The following WDFY3 variants were observed in gnomAD, a reference collection of about 807,000 sequenced individuals.
The protein encoded by WDFY3 is WD repeat and FYVE domain-containing protein 3.
WDFY3 carries 66 observed loss-of-function variants against 409.6 expected under a neutral mutation model. The ratio of observed to expected loss-of-function variants is 0.16; its 90% CI spans 0.13 to 0.20. The LOEUF (loss-of-function observed/expected upper bound fraction) is 0.20, where lower values mean the gene tolerates loss of function less well. Among genes scored for constraint, WDFY3 ranks in the 10% least tolerant of loss-of-function variants. The pLI is 1.00. For synonymous variants in WDFY3, 1,521 were observed against 1,537.1 expected (o/e 0.99, Z 0.25); for missense variants, 3,031 against 4,298.1 (o/e 0.71, Z 8.24).
intron 56 of WDFY3, among the ~76,000 whole-genome samples, chr4:84,699,676 T>C: frequency 6.6e-6 from 1 of 152,172 alleles, no homozygotes; most frequent in Non-Finnish European, 1.5e-5. Context: ...CAGCAATGTA[T>C]GAGGGTTCTA....
At chr4:84,815,375 C>A (rs986283251) in intron 13 of WDFY3, among the ~76,000 whole-genome samples, 16 of 152,258 alleles carry the variant, frequency 1.1e-4, no homozygotes, top group African/African-American at 3.9e-4. Flanking sequence ...AAAAGGAATT[C>A]TCTTACTACT....
intron 1 of WDFY3, among the ~76,000 whole-genome samples, chr4:84,956,151 T>C (rs1397009399): frequency 6.6e-6 from 1 of 152,150 alleles, no homozygotes; most frequent in Non-Finnish European, 1.5e-5. Flanking sequence ...GGAAGAAACA[T>C]CATACAGGAA....
intron 45 of WDFY3, 34 bp from the exon 46 acceptor site, chr4:84,724,628 C>A: frequency 6.3e-7 from 1 of 1,599,004 alleles, no homozygotes; most frequent in South Asian, 1.1e-5. Context: ...ACTCCGATAA[C>A]TATCACCAAG....
intron 27 of WDFY3, among the ~76,000 whole-genome samples, chr4:84,777,781 C>G (rs941812043): frequency 6.6e-6 from 1 of 151,914 alleles, no homozygotes; most frequent in Admixed American, 6.6e-5. Context: ...CATGATTTCC[C>G]CAATCATAAA....
At chr4:84,774,708 AT>A (rs2149445084) in intron 29 of WDFY3, 111 bp downstream of exon 29, 1 of 1,088,978 alleles carries the variant, frequency 9.2e-7, no homozygotes, top group African/African-American at 1.6e-5. Flanking sequence ...TCGTATTAAC[AT>A]TACAGGTGTT....
intron 57 of WDFY3, 132 bp from the exon 58 acceptor site, chr4:84,696,314 T>C (rs373426159): frequency 4.4e-5 from 35 of 792,880 alleles, no homozygotes; most frequent in East Asian, 1.1e-4. Flanking sequence ...TATTCCCCTC[T>C]TATTTGTGGT....
rs1202732366 is a variant in WDFY3 at position 84,789,984 on chromosome 4, T to C, written c.3488-77A>G. ...CAAATTATTCATATCTAGATCAGCA[T>C]GTTTTGACTTTATGTTAAAACAAAA... On this transcript the variant is annotated intron_variant, in intron 21 of 67. Coordinates refer to ENST00000295888, the MANE Select transcript of WDFY3 (RefSeq NM_014991.6). The C allele has an allele frequency of 3.5e-6, 5 of 1,443,624 alleles. No homozygotes were observed. In the African/African-American group the frequency reaches 5.7e-5, roughly 16 times the overall value. 89.4% of individuals were successfully genotyped at this position (1,443,624 alleles called of 1,614,324 possible).
At chr4:84,756,043 T>C (rs1244783947) in intron 33 of WDFY3, among the ~76,000 whole-genome samples, 1 of 152,198 alleles carries the variant, frequency 6.6e-6, no homozygotes, top group Admixed American at 6.5e-5. Context: ...GATGGAAGTG[T>C]AGTTGAGTCT....
chr4:84,745,164 A>G (rs1739203641), intron 36 of WDFY3, among the ~76,000 whole-genome samples: 1 of 152,220 alleles, frequency 6.6e-6, no homozygotes, highest in Non-Finnish European at 1.5e-5. Context: ...TGATCCAGTG[A>G]GTAGCAAGGA....
At chr4:84,735,180 A>T in intron 42 of WDFY3, 60 bp from the exon 43 acceptor site, 1 of 1,458,466 alleles carries the variant, frequency 6.9e-7, no homozygotes, top group Non-Finnish European at 9.4e-7. Flanking sequence ...AAAATAGTTA[A>T]TTACCCTTGA....
In WDFY3 at chr4:84,803,347, T is replaced by A; in HGVS notation, c.2550A>T (p.Gly850=). ...GTAGGTCCAGCATGGCAAGCATGGC[T>A]CCAGGATGAATGATGACTGCATCAG... The part of the protein sequence containing the change: ...QSSDAVIIHP[G]AMLAMLDLLA... The change falls in exon 16 of 68, where the codon GGA becomes GGT. Residue 850 remains glycine (G), a synonymous_variant. Transcript: ENST00000295888. The A allele has an allele frequency of 6.2e-7, 1 of 1,614,026 alleles. No individual in the cohort carries two copies. Among genetic ancestry groups the A allele is most frequent in the Non-Finnish European group, 8.5e-7 (1 of 1,179,992 alleles).
chr4:84,774,158 T>C (rs889422289), intron 29 of WDFY3, among the ~76,000 whole-genome samples: 1 of 152,222 alleles, frequency 6.6e-6, no homozygotes, highest in Non-Finnish European at 1.5e-5. Context: ...GTAGATCACA[T>C]GAACGAACAG....
At chr4:84,801,181 A>G (rs1447048665) in intron 17 of WDFY3, among the ~76,000 whole-genome samples, 1 of 152,242 alleles carries the variant, frequency 6.6e-6, no homozygotes, top group Non-Finnish European at 1.5e-5. Flanking sequence ...TGAATACATC[A>G]TACCAATATC....
At chr4:84,940,690 T>C (rs917338230) in intron 1 of WDFY3, among the ~76,000 whole-genome samples, 3 of 152,024 alleles carry the variant, frequency 2.0e-5, no homozygotes, top group Non-Finnish European at 4.4e-5. Context: ...TACAATATCC[T>C]GATATCAAAA....
chr4:84,904,413 C>T (rs1397619547), intron 2 of WDFY3, among the ~76,000 whole-genome samples: 1 of 152,038 alleles, frequency 6.6e-6, no homozygotes, highest in African/African-American at 2.4e-5. Context: ...AACTGAGACT[C>T]AGAGAGGTAA....
chr4:84,789,209 A>G (rs138608318), intron 22 of WDFY3, among the ~76,000 whole-genome samples: 283 of 152,266 alleles, frequency 1.9e-3, no homozygotes, highest in African/African-American at 6.4e-3. Context: ...TCTATTCTAA[A>G]TACTATCACA....
intron 1 of WDFY3, among the ~76,000 whole-genome samples, chr4:84,954,762 A>T (rs532110850): frequency 1.3e-5 from 2 of 152,328 alleles, no homozygotes; most frequent in South Asian, 4.1e-4. Flanking sequence ...ATATTATACA[A>T]TGTCTGGTAA....
chr4:84,792,637 C>G (rs1166163078), intron 21 of WDFY3, among the ~76,000 whole-genome samples: 2 of 152,032 alleles, frequency 1.3e-5, no homozygotes, highest in African/African-American at 4.8e-5. Context: ...CATATGTTAC[C>G]GTCATTTCTA....
intron 44 of WDFY3, among the ~76,000 whole-genome samples, chr4:84,732,168 C>T (rs1023841964): frequency 1.3e-5 from 2 of 152,108 alleles, no homozygotes; most frequent in African/African-American, 4.8e-5. Context: ...AATTGAATAG[C>T]TTTGAGAAAA....
Sources: allele counts gnomAD v4.1 joint callset (sites outside exome capture counted in the v4.1 genomes callset), GRCh38; gene constraint gnomAD v4.1.1; transcripts MANE v1.5; gene names NCBI Gene and HGNC (gene_info 2026-07-23, HGNC 2026-07-21).